TBX1: variants seen among roughly 807,000 people sequenced by gnomAD.
TBX1 encodes the protein T-box transcription factor 1, also known as T-box transcription factor TBX1.
A neutral mutation model predicts 40.8 loss-of-function variants in TBX1; 16 were observed. The observed-to-expected ratio is 0.39, with a 90% confidence interval of 0.27 to 0.60. TBX1 has a LOEUF of 0.60. TBX1 is among the 20% of genes least tolerant of loss of function. The pLI is 0.51. For synonymous variants in TBX1, 403 were observed against 336.8 expected (o/e 1.20, Z -2.15); for missense variants, 755 against 728.5 (o/e 1.04, Z -0.42).
chr22:19,776,639 G>T (rs189491969), intron 8 of TBX1, among the ~76,000 whole-genome samples: 1 of 152,326 alleles, frequency 6.6e-6, no homozygotes, highest in East Asian at 1.9e-4. Flanking sequence ...AAGCAGAACC[G>T]CATGTGATCA....
downstream of TBX1, chr22:19,783,274 G>A (rs1937159854): frequency 4.0e-6 from 2 of 503,158 alleles, no homozygotes; most frequent in South Asian, 4.1e-5. Flanking sequence ...ACCAGGATGA[G>A]GCCAAATGAC....
chr22:19,766,478 C>G lies in TBX1; in HGVS notation c.1126C>G (p.Arg376Gly). 3 of 1,327,446 alleles carry G rather than the reference C, an allele frequency of 2.3e-6. No homozygotes were observed. Among genetic ancestry groups the G allele is most frequent in the Non-Finnish European group, 2.9e-6 (3 of 1,033,156 alleles). 82.2% of individuals were successfully genotyped at this position (1,327,446 alleles called of 1,614,324 possible). A position where few individuals can be genotyped will look rare whatever the true frequency, so the allele number is the denominator to read the frequency against. The change falls in exon 7 of 7, where the codon CGG becomes GGG. Residue 376 changes from arginine (R) to glycine (G), a missense_variant. Arg to Gly is a moderately radical substitution (Grantham distance 125). Coordinates refer to ENST00000649276, the MANE Select transcript of TBX1 (RefSeq NM_001379200.1). Reference sequence around the variant, plus strand: ...GGCGCATCCTCCGCAGCTGCTGGCCCGGGTGCTAAGCCCCTCGCTGCCCGG... The same window carrying G: ...GGCGCATCCTCCGCAGCTGCTGGCCGGGGTGCTAAGCCCCTCGCTGCCCGG... Reference protein sequence around the residue: ...DPAHPPQLLARVLSPSLPGAG... With the variant: ...DPAHPPQLLAGVLSPSLPGAG...
Position 19,766,437 on chromosome 22 carries a change from C to G in TBX1, c.1085C>G (p.Ala362Gly), listed in dbSNP as rs569581176. ...REFQRDAGGP[A>G]VLGDPAHPPQ... is the part of the protein sequence containing the mutation. ...TTCCAGCGCGACGCGGGCGGGCCAGCAGTGCTCGGGGACCCGGCGCATCCT... is the reference window on the plus strand; with the variant it reads ...TTCCAGCGCGACGCGGGCGGGCCAGGAGTGCTCGGGGACCCGGCGCATCCT... The change falls in exon 7 of 7, where the codon GCA becomes GGA. Residue 362 changes from alanine to glycine, a missense_variant. By Grantham distance (60) the Ala-to-Gly change is moderately conservative (BLOSUM62 0). Around this residue, in one of 3 missense-constraint regions of TBX1, gnomAD observed 412 missense variants for 317.6 expected, o/e 1.30. Coordinates refer to ENST00000649276, the MANE Select transcript of TBX1 (RefSeq NM_001379200.1). 66 of 1,346,660 alleles carry G rather than the reference C, an allele frequency of 4.9e-5. No individual in the cohort carries two copies. The highest frequency in any genetic ancestry group is 6.2e-5 in the Non-Finnish European group (65 of 1,044,370). 83.4% of individuals were successfully genotyped at this position (1,346,660 alleles called of 1,614,324 possible).
chr22:19,768,664 T>A (rs1018604915), downstream of TBX1, among the ~76,000 whole-genome samples: 1 of 152,208 alleles, frequency 6.6e-6, no homozygotes, highest in African/African-American at 2.4e-5. Context: ...CCTCTCTTGC[T>A]GTCAGAAGGC....
rs751917634 is a variant in TBX1, at chr22:19,766,398, A to T, written c.1046A>T (p.Glu349Val). Residue 349 changes from glutamate (E) to valine (V), a missense_variant, in exon 7 of 7, where the codon GAG (glutamate) becomes GTG (valine). This residue lies in a region of TBX1 where 412 missense variants were observed against 317.6 expected (regional missense o/e 1.30). Transcript: ENST00000649276. ...QPSGTEKDAA[E>V]ARREFQRDAG... ...TCGGCCCTCTCCGCAGACGCGGCTG[A>T]GGCCCGGCGAGAATTCCAGCGCGAC... The T allele has an allele frequency of 1.0e-5, 14 of 1,338,022 alleles. No homozygotes were observed. The South Asian group carries it at 2.3e-4, about 22-fold the overall frequency. 82.9% of individuals were successfully genotyped at this position (1,338,022 alleles called of 1,614,324 possible). A position where few individuals can be genotyped will look rare whatever the true frequency, so the allele number is the denominator to read the frequency against.
At chr22:19,773,134 C>T (rs1329775263) in intron 8 of TBX1, among the ~76,000 whole-genome samples, 5 of 152,238 alleles carry the variant, frequency 3.3e-5, no homozygotes, top group Admixed American at 2.0e-4. Flanking sequence ...CGGAAACAGC[C>T]ACTTCCATGC....
upstream of TBX1, chr22:19,759,690 G>T: frequency 6.2e-7 from 1 of 1,612,146 alleles, no homozygotes; most frequent in Non-Finnish European, 8.5e-7. Flanking sequence ...GAGCCTCCAG[G>T]CCGTGTCTAC....
chr22:19,783,497 C>A, downstream of TBX1: 1 of 251,256 alleles, frequency 4.0e-6, no homozygotes, highest in Non-Finnish European at 7.9e-6. Flanking sequence ...CTGCAGTAAG[C>A]TATGATCATG....
intron 1 of TBX1, among the ~76,000 whole-genome samples, 161 bp from the exon 2 acceptor site, chr22:19,763,080 A>T (rs1202818023): frequency 6.6e-6 from 1 of 152,168 alleles, no homozygotes; most frequent in Non-Finnish European, 1.5e-5. Context: ...TGCCCAGATT[A>T]GAGCAGCTAA....
downstream of TBX1, chr22:19,783,369 G>C (rs1201435609): frequency 8.4e-6 from 3 of 355,500 alleles, no homozygotes; most frequent in Non-Finnish European, 1.7e-5. Flanking sequence ...GCAGGGGACA[G>C]ATGTGCTGCT....
chr22:19,759,556 A>G (rs1936571734), upstream of TBX1: 4 of 1,573,120 alleles, frequency 2.5e-6, no homozygotes, highest in South Asian at 3.5e-5. Flanking sequence ...CTCTGGTTGC[A>G]GCGGAGGCGG....
intron 8 of TBX1, among the ~76,000 whole-genome samples, chr22:19,773,299 C>T (rs1384240263): frequency 1.3e-5 from 2 of 152,190 alleles, no homozygotes; most frequent in Admixed American, 1.3e-4. Context: ...ACAAGAGCTG[C>T]TGCTCAGGCC....
chr22:19,777,525 G>C (rs1388187535), intron 8 of TBX1, among the ~76,000 whole-genome samples: 3 of 152,164 alleles, frequency 2.0e-5, no homozygotes, highest in African/African-American at 7.2e-5. Flanking sequence ...AAACATACGT[G>C]TGCATGTGTC....
At chr22:19,773,481 G>C (rs1937020784) in intron 8 of TBX1, among the ~76,000 whole-genome samples, 1 of 152,192 alleles carries the variant, frequency 6.6e-6, no homozygotes, top group South Asian at 2.1e-4. Context: ...GCATTTCCAG[G>C]TGGCCCCTCC....
At chr22:19,770,304 C>G (rs1936967422), downstream of TBX1, among the ~76,000 whole-genome samples, 1 of 152,220 alleles carries the variant, frequency 6.6e-6, no homozygotes, top group Admixed American at 6.5e-5. Flanking sequence ...CATCCACACC[C>G]CCTTCACACC....
chr22:19,763,644 C>T (rs1936739305), intron 2 of TBX1: 1 of 469,178 alleles, frequency 2.1e-6, no homozygotes, highest in Admixed American at 3.5e-5. Context: ...TCAAGTCTCC[C>T]TCTCCCAGGA....
chr22:19,775,608 G>A (rs1937052575), intron 8 of TBX1, among the ~76,000 whole-genome samples: 1 of 152,134 alleles, frequency 6.6e-6, no homozygotes, highest in Non-Finnish European at 1.5e-5. Flanking sequence ...GGTGGAGGTG[G>A]GGTATGCTTT....
At chr22:19,782,874 C>T, downstream of TBX1, 2 of 1,614,120 alleles carry the variant, frequency 1.2e-6, no homozygotes, top group Non-Finnish European at 1.7e-6. Flanking sequence ...CCTTCCTCCA[C>T]CCAGTGTAGG....
At chr22:19,770,040 C>T (rs1010165807), downstream of TBX1, among the ~76,000 whole-genome samples, 2 of 152,180 alleles carry the variant, frequency 1.3e-5, no homozygotes, top group African/African-American at 4.8e-5. Flanking sequence ...ATAGGGGGCT[C>T]GTCCCACCGC....
Sources: allele counts gnomAD v4.1 joint callset (sites outside exome capture counted in the v4.1 genomes callset), GRCh38; gene constraint gnomAD v4.1.1; regional missense constraint gnomAD v4.1.1; transcripts MANE v1.5; gene names NCBI Gene and HGNC (gene_info 2026-07-23, HGNC 2026-07-21).